PTPRO: variants seen among roughly 807,000 people sequenced by gnomAD.
PTPRO encodes the protein receptor-type tyrosine-protein phosphatase O.
In PTPRO, 62 loss-of-function variants were observed where a neutral mutation model predicts 145.2. The observed-to-expected ratio is 0.43, with a 90% CI of 0.35 to 0.53. The LOEUF is 0.53. Ranked by LOEUF, PTPRO falls within the 20% of genes least tolerant of loss-of-function variation. PTPRO has a pLI of 0.01. For synonymous variants in PTPRO, 565 were observed against 514.7 expected (o/e 1.10, Z -1.32); for missense variants, 1,345 against 1,482.7 (o/e 0.91, Z 1.53).
chr12:15,468,798 A>T (rs1001049952), intron 1 of PTPRO, among the ~76,000 whole-genome samples: 1 of 152,344 alleles, frequency 6.6e-6, no homozygotes, highest in African/African-American at 2.4e-5. Context: ...TGAGTCAAGC[A>T]TCTGTGTAAA....
At chr12:15,524,723 A>C in intron 10 of PTPRO, 91 bp from the exon 11 acceptor site, 1 of 1,389,622 alleles carries the variant, frequency 7.2e-7, no homozygotes, top group Non-Finnish European at 1.0e-6. Flanking sequence ...TAATTCGCTA[A>C]GTTGACTCTA....
intron 3 of PTPRO, 41 bp downstream of exon 3, chr12:15,497,444 C>G (rs758633834): frequency 5.7e-6 from 9 of 1,592,412 alleles, no homozygotes; most frequent in Admixed American, 3.3e-5. Flanking sequence ...ATGACCCTCA[C>G]TTTTTACAAA....
At chr12:15,497,116 A>G (rs1259461790) in intron 2 of PTPRO, 129 bp from the exon 3 acceptor site, 5 of 806,024 alleles carry the variant, frequency 6.2e-6, no homozygotes, top group Non-Finnish European at 1.1e-5. Flanking sequence ...TGAGGAGTTT[A>G]GTGCCCACAG....
At chr12:15,445,262 A>G (rs1392326789) in intron 1 of PTPRO, among the ~76,000 whole-genome samples, 1 of 152,116 alleles carries the variant, frequency 6.6e-6, no homozygotes, top group Non-Finnish European at 1.5e-5. Context: ...AATTTTGTAC[A>G]GTGGTCATAT....
chr12:15,356,538 T>C (rs957103928), intron 1 of PTPRO, among the ~76,000 whole-genome samples: 4 of 152,216 alleles, frequency 2.6e-5, no homozygotes, highest in Non-Finnish European at 5.9e-5. Flanking sequence ...ACTTATGACA[T>C]AGTATGAAAG....
At chr12:15,452,887 T>G (rs1182714277) in intron 1 of PTPRO, among the ~76,000 whole-genome samples, 1 of 152,192 alleles carries the variant, frequency 6.6e-6, no homozygotes, top group Non-Finnish European at 1.5e-5. Context: ...TCTGACTCTT[T>G]AATAGATTGT....
intron 1 of PTPRO, among the ~76,000 whole-genome samples, chr12:15,473,378 T>C (rs1565650516): frequency 2.6e-5 from 4 of 152,192 alleles, no homozygotes; most frequent in Admixed American, 1.3e-4. Flanking sequence ...AACAAATGGA[T>C]AGCTCTCCAG....
intron 1 of PTPRO, among the ~76,000 whole-genome samples, chr12:15,338,787 GA>G (rs2136211916): frequency 6.6e-6 from 1 of 152,326 alleles, no homozygotes; most frequent in South Asian, 2.1e-4. Flanking sequence ...TACAAGGTTT[GA>G]GTAAAACAGG....
intron 2 of PTPRO, among the ~76,000 whole-genome samples, chr12:15,487,046 C>A (rs1309568719): frequency 6.6e-6 from 1 of 152,014 alleles, no homozygotes; most frequent in Non-Finnish European, 1.5e-5. Flanking sequence ...TCAGTTTCAC[C>A]CTCAGTATGC....
intron 7 of PTPRO, among the ~76,000 whole-genome samples, chr12:15,511,257 C>T (rs1942434804): frequency 6.6e-6 from 1 of 152,206 alleles, no homozygotes. Flanking sequence ...CATTACTTAA[C>T]ATGCAGAATG....
At chr12:15,395,152 T>G (rs534506737) in intron 1 of PTPRO, among the ~76,000 whole-genome samples, 20 of 152,284 alleles carry the variant, frequency 1.3e-4, no homozygotes, top group African/African-American at 4.6e-4. Context: ...AGGCAAATAG[T>G]TGTGGAAAAC....
chr12:15,348,131 T>G (rs1937653466), intron 1 of PTPRO: 3 of 152,158 alleles, frequency 2.0e-5, no homozygotes, highest in Admixed American at 2.0e-4. Flanking sequence ...GCTGATCGGA[T>G]TAAGATTAAG....
At chr12:15,439,311 G>T (rs77424138) in intron 1 of PTPRO, among the ~76,000 whole-genome samples, 1 of 152,182 alleles carries the variant, frequency 6.6e-6, no homozygotes, top group East Asian at 1.9e-4. Context: ...ACCTGTAACC[G>T]CAAAAACACA....
intron 1 of PTPRO, among the ~76,000 whole-genome samples, chr12:15,450,815 C>G (rs1941026337): frequency 6.6e-6 from 1 of 151,960 alleles, no homozygotes; most frequent in South Asian, 2.1e-4. Flanking sequence ...CAAGCCAGCA[C>G]TACAAGAACT....
intron 23 of PTPRO, 105 bp from the exon 24 acceptor site, chr12:15,586,792 G>A (rs1404037155): frequency 7.8e-7 from 1 of 1,281,332 alleles, no homozygotes; most frequent in African/African-American, 1.5e-5. Context: ...CTGACCAGGA[G>A]TGGAACGTGG....
chr12:15,328,015 G>A (rs991356998), intron 1 of PTPRO, among the ~76,000 whole-genome samples: 1 of 152,002 alleles, frequency 6.6e-6, no homozygotes, highest in African/African-American at 2.4e-5. Flanking sequence ...TCGGGAGGCT[G>A]AGGCAGGAGA....
chr12:15,329,724 C>T (rs1866552089), intron 1 of PTPRO, among the ~76,000 whole-genome samples: 1 of 151,886 alleles, frequency 6.6e-6, no homozygotes, highest in Admixed American at 6.6e-5. Flanking sequence ...CAGTTGAGTC[C>T]CTGGCAGTGG....
chr12:15,578,705 G>A (rs1435202416), intron 19 of PTPRO, 148 bp from the exon 20 acceptor site: 1 of 685,994 alleles, frequency 1.5e-6, no homozygotes, highest in Non-Finnish European at 2.7e-6. Flanking sequence ...AAAGCAAGTT[G>A]ATGATAGTGG....
chr12:15,502,212 C>G (rs1942236670), intron 5 of PTPRO, 149 bp downstream of exon 5: 5 of 807,622 alleles, frequency 6.2e-6, no homozygotes, highest in Non-Finnish European at 7.7e-6. Flanking sequence ...AATTGAGTAT[C>G]CAATGCAGAC....
Sources: gnomAD v4.1 joint callset for allele counts (sites outside exome capture counted in the v4.1 genomes callset) on GRCh38, gnomAD v4.1.1 for gene constraint, MANE v1.5 for transcripts, NCBI Gene and HGNC (gene_info 2026-07-23, HGNC 2026-07-21) for gene names.